The following ZSCAN5C variants were observed in gnomAD, a reference collection of about 807,000 sequenced individuals.
The protein encoded by ZSCAN5C is zinc finger and SCAN domain containing 5C.
Under a neutral mutation model 17.3 loss-of-function variants are expected in ZSCAN5C, and 11 were observed. The observed-to-expected ratio is 0.64, with a 90% CI of 0.40 to 1.06. The LOEUF (loss-of-function observed/expected upper bound fraction) is 1.06. ZSCAN5C is among the 50% of genes least tolerant of loss of function. The pLI is 0.00. For synonymous variants in ZSCAN5C, 229 were observed against 208.4 expected (o/e 1.10, Z -0.85); for missense variants, 698 against 538.9 (o/e 1.30, Z -2.92).
At chr19:56,208,799 A>C (rs751382611) in exon 5 of ZSCAN5C, 1 of 1,574,402 alleles carries the variant, frequency 6.4e-7, no homozygotes, top group Non-Finnish European at 8.7e-7. Flanking sequence ...GTGCGGCAAG[A>C]GGTTTAAGTA....
chr19:56,208,373 C>A (rs984031734), intron 4 of ZSCAN5C, 76 bp from the exon 5 acceptor site: 1 of 948,678 alleles, frequency 1.1e-6, no homozygotes, highest in Non-Finnish European at 1.6e-6. Context: ...CAGCCAACAT[C>A]AGTGTTTGGT....
At chr19:56,208,101 C>A (rs765471478) in exon 4 of ZSCAN5C, 8 of 773,756 alleles carry the variant, frequency 1.0e-5, no homozygotes, top group South Asian at 5.4e-5. Context: ...AGACCCAAGC[C>A]GACCTTGGAG....
chr19:56,206,926 C>G (rs1434195460), intron 2 of ZSCAN5C, 133 bp from the exon 3 acceptor site: 2 of 602,182 alleles, frequency 3.3e-6, no homozygotes, highest in Non-Finnish European at 5.9e-6. Context: ...TCACACAGAG[C>G]TGATTCTGCA....
exon 5 of ZSCAN5C, chr19:56,208,834 G>T: frequency 6.4e-7 from 1 of 1,558,002 alleles, no homozygotes; most frequent in East Asian, 2.2e-5. Context: ...CCGTCCACAC[G>T]AGATCACACA....
At chr19:56,208,808 T>C (rs780516758) in exon 5 of ZSCAN5C, 3 of 1,570,084 alleles carry the variant, frequency 1.9e-6, no homozygotes. Flanking sequence ...GAGGTTTAAG[T>C]ATCGCGGCAA....
exon 4 of ZSCAN5C, chr19:56,208,054 A>G (rs954498160): frequency 1.5e-5 from 11 of 746,284 alleles, no homozygotes; most frequent in Non-Finnish European, 2.7e-5. Flanking sequence ...TCCTGCTGCC[A>G]GAGACTACTG....
At chr19:56,208,163 C>G (rs2032945153) in exon 4 of ZSCAN5C, 1 of 779,754 alleles carries the variant, frequency 1.3e-6, no homozygotes, top group Non-Finnish European at 2.4e-6. Context: ...ATCCCCAGAG[C>G]CTCAGCTTCC....
intron 2 of ZSCAN5C, 130 bp from the exon 3 acceptor site, chr19:56,206,929 A>C (rs781726911): frequency 1.2e-5 from 7 of 604,356 alleles, no homozygotes; most frequent in Non-Finnish European, 2.1e-5. Flanking sequence ...CACAGAGCTG[A>C]TTCTGCATCG....
exon 5 of ZSCAN5C, chr19:56,209,048 A>G (rs752166674): frequency 1.9e-6 from 3 of 1,610,644 alleles, no homozygotes; most frequent in Admixed American, 1.7e-5. Flanking sequence ...AGACTGCAAG[A>G]AAGTTTTCAC....
chr19:56,208,630 T>G, exon 5 of ZSCAN5C: 1 of 1,609,732 alleles, frequency 6.2e-7, no homozygotes, highest in South Asian at 1.1e-5. Context: ...CCACCTCCAT[T>G]TCCCAAGAAG....
chr19:56,206,017 A>C, exon 2 of ZSCAN5C: 1 of 1,612,236 alleles, frequency 6.2e-7, no homozygotes, highest in East Asian at 2.2e-5. Context: ...CAACTTGGAA[A>C]TCATGACAGT....
At chr19:56,205,501 C>A (rs1038579569) in intron 1 of ZSCAN5C, among the ~76,000 whole-genome samples, 1 of 151,908 alleles carries the variant, frequency 6.6e-6, no homozygotes, top group Non-Finnish European at 1.5e-5. Context: ...CATTCCTGTC[C>A]TATTTTATTT....
intron 3 of ZSCAN5C, among the ~76,000 whole-genome samples, chr19:56,207,680 C>T (rs989826182): frequency 7.3e-5 from 11 of 151,718 alleles, no homozygotes; most frequent in African/African-American, 2.7e-4. Context: ...GACACATGGC[C>T]ATGTCTAGAG....
rs1339201596 is a variant in ZSCAN5C at position 56,209,031 on chromosome 19, A to C, written c.1322A>C (p.Glu441Ala). ...AGCCACACAGGGGAGAAGCCCTTCG[A>C]ATGTAAAGACTGCAAGAAAGTTTTC... Residue 441 changes from glutamate to alanine, a missense_variant, in exon 5 of 5, where the codon GAA becomes GCA. Coordinates refer to ENST00000534327, the Ensembl canonical transcript of ZSCAN5C. 3.7e-6 allele frequency: 6 copies of C among 1,612,330 alleles called. No individual in the cohort carries two copies. The South Asian group carries it at 6.6e-5, about 18-fold the overall frequency.
exon 5 of ZSCAN5C, chr19:56,209,147 C>T: frequency 7.1e-7 from 1 of 1,399,800 alleles, no homozygotes; most frequent in African/African-American, 1.4e-5. Context: ...CTTCGGTCGG[C>T]CGGCGACCTT....
exon 5 of ZSCAN5C, chr19:56,208,989 TGAA>T (rs1474273267): frequency 6.2e-7 from 1 of 1,613,416 alleles, no homozygotes. Context: ...AAGTCCTACT[TGAA>T]GTGTCACAAG....
At position 56,209,079 on chromosome 19, in the gene ZSCAN5C, A is replaced by C. The variant is rs548005102; in HGVS notation, c.1370A>C (p.Glu457Ala). Reference sequence around the variant, plus strand: ...TTCACCTACAAGGCAAATCTGAAGGAGCACCAGCGCATCCACTCTGGAGAG... The same window carrying C: ...TTCACCTACAAGGCAAATCTGAAGGCGCACCAGCGCATCCACTCTGGAGAG... Residue 457 changes from glutamate to alanine, a missense_variant, in exon 5 of 5, where the codon GAG becomes GCG. Around this residue, in one of 3 missense-constraint regions of ZSCAN5C, gnomAD observed 554 missense variants for 390.5 expected, o/e 1.42. Transcript: ENST00000534327. 186 of 1,598,630 alleles carry C rather than the reference A, an allele frequency of 1.2e-4. 4 individuals carry two copies. The African/African-American group carries it at 2.4e-3, about 21-fold the overall frequency.
At chr19:56,206,023 A>G (rs774061869) in exon 2 of ZSCAN5C, 7 of 1,612,422 alleles carry the variant, frequency 4.3e-6, no homozygotes, top group Non-Finnish European at 5.9e-6. Context: ...GGAAATCATG[A>G]CAGTGATCCT....
rs151214006 is a variant in ZSCAN5C, at chr19:56,209,162, C to T, written c.1453C>T (p.Arg485Cys). 1,677 of 1,175,192 alleles carry T rather than the reference C, an allele frequency of 1.4e-3. 58 individuals carry two copies. The African/African-American group carries it at 0.023, about 16-fold the overall frequency. 72.8% of individuals were successfully genotyped at this position (1,175,192 alleles called of 1,614,324 possible). ...CTTCGGTCGGCCGGCGACCTTAAGA[C>T]GCCACCAGAAAACACATCGAGAAGC... The change falls in exon 5 of 5, where the codon CGC becomes TGC. Residue 485 changes from arginine (R) to cysteine (C), a missense_variant. Physicochemically the swap from Arg to Cys is radical, Grantham distance 180. Around this residue, in one of 3 missense-constraint regions of ZSCAN5C, gnomAD observed 554 missense variants for 390.5 expected, o/e 1.42. Coordinates refer to ENST00000534327, the Ensembl canonical transcript of ZSCAN5C.
Sources: allele counts gnomAD v4.1 joint callset (sites outside exome capture counted in the v4.1 genomes callset), GRCh38; gene constraint gnomAD v4.1.1; regional missense constraint gnomAD v4.1.1; transcripts MANE v1.5; gene names NCBI Gene and HGNC (gene_info 2026-07-23, HGNC 2026-07-21).